The following IQCM variants were observed in gnomAD, a reference collection of about 807,000 sequenced individuals.
IQCM encodes the protein IQ domain-containing protein M.
Under a neutral mutation model 57.6 loss-of-function variants are expected in IQCM, and 45 were observed. The observed-to-expected ratio is 0.78, with a 90% CI of 0.62 to 1.00. The LOEUF (loss-of-function observed/expected upper bound fraction) is 1.00. IQCM is among the 50% of genes least tolerant of loss of function. The pLI, the probability that IQCM is intolerant of heterozygous loss-of-function variation, is 0.00. For missense variants in IQCM, 468 were observed against 511.6 expected (o/e 0.91, Z 0.82); for synonymous variants, 148 against 158.9 (o/e 0.93, Z 0.51).
Position 149,759,607 on chromosome 4 carries a change from C to T in IQCM, c.-48-16868G>A, listed in dbSNP as rs562450856. Among the ~76,000 whole-genome samples the T allele has an allele frequency of 1.1e-4, 16 of 152,226 alleles. No homozygotes were observed. In the South Asian group the frequency reaches 2.9e-3, roughly 28 times the overall value. ...AGGCAATATATAGGAAATCTCTATA[C>T]TTTCCTCTTAATTTTACTGTAAAGC... On this transcript the variant is annotated intron_variant, in intron 2 of 13. Coordinates refer to ENST00000636793, the MANE Select transcript of IQCM (RefSeq NM_001363507.2).
At chr4:149,725,002 G>A (rs1765767836) in intron 5 of IQCM, among the ~76,000 whole-genome samples, 1 of 151,938 alleles carries the variant, frequency 6.6e-6, no homozygotes, top group Admixed American at 6.6e-5. Context: ...CAGTACTGTA[G>A]AATATCTATA....
At chr4:149,401,301 T>G (rs1182942630) in intron 13 of IQCM, among the ~76,000 whole-genome samples, 1 of 151,800 alleles carries the variant, frequency 6.6e-6, no homozygotes, top group Non-Finnish European at 1.5e-5. Context: ...AATAAGAAAA[T>G]AAATATAACT....
intron 9 of IQCM, among the ~76,000 whole-genome samples, chr4:149,566,906 A>C (rs1230344100): frequency 6.6e-6 from 1 of 152,184 alleles, no homozygotes; most frequent in Non-Finnish European, 1.5e-5. Flanking sequence ...AATTTTGACA[A>C]TGGTAAATTT....
chr4:149,546,647 G>C (rs942695517), intron 12 of IQCM, among the ~76,000 whole-genome samples: 2 of 152,088 alleles, frequency 1.3e-5, no homozygotes, highest in Non-Finnish European at 2.9e-5. Context: ...CATATCCTTT[G>C]CCCACTTTTT....
At chr4:149,461,402 T>C (rs1268346092) in intron 12 of IQCM, among the ~76,000 whole-genome samples, 3 of 152,162 alleles carry the variant, frequency 2.0e-5, no homozygotes, top group Non-Finnish European at 4.4e-5. Context: ...AAACCCACTA[T>C]GCTTATGAAT....
At chr4:149,387,174 ACT>A (rs1337521396) in intron 13 of IQCM, among the ~76,000 whole-genome samples, 1 of 151,926 alleles carries the variant, frequency 6.6e-6, no homozygotes, top group Non-Finnish European at 1.5e-5. Flanking sequence ...GTGAGGTTCC[ACT>A]CTCTGATTCA....
chr4:149,353,637 A>G (rs564294499), intron 13 of IQCM, among the ~76,000 whole-genome samples: 65 of 152,352 alleles, frequency 4.3e-4, no homozygotes, highest in African/African-American at 1.4e-3. Context: ...TTGCCACAAC[A>G]TGAGTGAACT....
chr4:149,470,228 C>A (rs1739358944), intron 12 of IQCM, among the ~76,000 whole-genome samples: 1 of 151,830 alleles, frequency 6.6e-6, no homozygotes, highest in African/African-American at 2.4e-5. Flanking sequence ...TCAGGAAACC[C>A]ATCTCACATG....
intron 7 of IQCM, among the ~76,000 whole-genome samples, chr4:149,669,743 C>G (rs1761080947): frequency 6.6e-6 from 1 of 152,104 alleles, no homozygotes; most frequent in African/African-American, 2.4e-5. Context: ...AATCCTTTCC[C>G]CATTGCTTGT....
At chr4:149,479,881 A>G (rs537101383) in intron 12 of IQCM, among the ~76,000 whole-genome samples, 2 of 152,346 alleles carry the variant, frequency 1.3e-5, no homozygotes, top group African/African-American at 4.8e-5. Context: ...CAAAGCTCTT[A>G]TATTAAATAA....
At chr4:149,689,205 T>G (rs549146071) in intron 5 of IQCM, among the ~76,000 whole-genome samples, 2 of 152,168 alleles carry the variant, frequency 1.3e-5, no homozygotes, top group African/African-American at 4.8e-5. Context: ...GTGGTACATA[T>G]ACACCATGGA....
chr4:149,638,270 T>C (rs754979898), intron 7 of IQCM, among the ~76,000 whole-genome samples: 5 of 151,992 alleles, frequency 3.3e-5, no homozygotes, highest in East Asian at 1.9e-4. Context: ...ATTGACAACA[T>C]AAAATGTAGA....
chr4:149,754,938 T>C (rs1768823442), intron 2 of IQCM, among the ~76,000 whole-genome samples: 1 of 152,286 alleles, frequency 6.6e-6, no homozygotes, highest in Admixed American at 6.5e-5. Context: ...GAGTTCCTGA[T>C]CCTATTCTGA....
At position 149,682,801 on chromosome 4, in the gene IQCM, C is replaced by T. The variant is rs191990966; in HGVS notation, c.477-595G>A. Among the ~76,000 whole-genome samples the T allele has an allele frequency of 1.7e-3, 255 of 151,106 alleles. 1 individual carries two copies. Among genetic ancestry groups the T allele is most frequent in the Non-Finnish European group, 2.9e-3 (192 of 67,246 alleles). On this transcript the variant is annotated intron_variant, in intron 6 of 13. Coordinates refer to ENST00000636793, the MANE Select transcript of IQCM (RefSeq NM_001363507.2). ...CATGTAGGTACTTACTATTATGATG[C>T]TCATTGTATAAATGAAGAAACTAAG...
intron 2 of IQCM, among the ~76,000 whole-genome samples, chr4:149,789,140 G>A (rs988063739): frequency 2.0e-5 from 3 of 152,180 alleles, no homozygotes; most frequent in African/African-American, 7.2e-5. Context: ...AAAATGGCTA[G>A]AAGAGAGGGC....
intron 5 of IQCM, among the ~76,000 whole-genome samples, chr4:149,724,198 A>G (rs1024270432): frequency 3.9e-5 from 6 of 152,064 alleles, no homozygotes; most frequent in Admixed American, 1.3e-4. Flanking sequence ...AGTTCCCCAC[A>G]GATACCAAGG....
intron 8 of IQCM, among the ~76,000 whole-genome samples, chr4:149,590,247 C>CTTTTTTTTTTTTTTTTTTTTTTTTTTCT (rs71596214): frequency 2.7e-5 from 2 of 73,632 alleles, no homozygotes; most frequent in African/African-American, 5.4e-5. Flanking sequence ...TTTTTCTTTC[C>CTTTTTTTTTTTTTTTTTTTTTTTTTTCT]TTTTTTTTTT....
In IQCM at chr4:149,570,978, C is replaced by G. The variant is rs1458222711; in HGVS notation, c.750-7088G>C. 2.0e-5 allele frequency among the ~76,000 whole-genome samples: 3 copies of G among 152,054 alleles called. No individual in the cohort carries two copies. The East Asian group carries it at 5.8e-4, about 29-fold the overall frequency. On this transcript the variant is annotated intron_variant, in intron 9 of 13. Transcript: ENST00000636793. ...CCTCACACATGTTAGAATTTACTAT[C>G]AGAAAGAGAAAAGACAGCAAGTATT...
chr4:149,483,309 A>G (rs1037732677), intron 12 of IQCM, among the ~76,000 whole-genome samples: 2 of 151,282 alleles, frequency 1.3e-5, no homozygotes, highest in Admixed American at 6.6e-5. Flanking sequence ...TTCTTCTCCT[A>G]ATTTTGAGTT....
Sources: allele counts gnomAD v4.1 joint callset (sites outside exome capture counted in the v4.1 genomes callset), GRCh38; gene constraint gnomAD v4.1.1; transcripts MANE v1.5; gene names NCBI Gene and HGNC (gene_info 2026-07-23, HGNC 2026-07-21).